KAT2B: variants seen among roughly 807,000 people sequenced by gnomAD.
The protein encoded by KAT2B is histone acetyltransferase KAT2B.
A neutral mutation model predicts 105.9 loss-of-function variants in KAT2B; 36 were observed. The ratio of observed to expected loss-of-function variants is 0.34; its 90% CI spans 0.26 to 0.45. The LOEUF is 0.45. KAT2B is among the 20% of genes least tolerant of loss of function. The pLI is 1.00. For missense variants in KAT2B, 820 were observed against 1,021.6 expected, an observed-to-expected ratio of 0.80 and a Z score of 2.69; for synonymous variants, 397 against 377.9, an observed-to-expected ratio of 1.05 and a Z score of -0.59.
At chr3:20,097,145 A>G (rs1432565635) in intron 3 of KAT2B, among the ~76,000 whole-genome samples, 2 of 152,134 alleles carry the variant, frequency 1.3e-5, no homozygotes, top group African/African-American at 4.8e-5. Context: ...TTGGAAAAAG[A>G]TCTTAGTTGA....
intron 2 of KAT2B, among the ~76,000 whole-genome samples, chr3:20,076,978 T>C (rs1007025126): frequency 6.6e-6 from 1 of 152,194 alleles, no homozygotes; most frequent in African/African-American, 2.4e-5. Context: ...ATCAATTCTA[T>C]TGATTAAATG....
At chr3:20,129,165 T>C (rs1043309802) in intron 11 of KAT2B, among the ~76,000 whole-genome samples, 1 of 151,898 alleles carries the variant, frequency 6.6e-6, no homozygotes, top group African/African-American at 2.4e-5. Flanking sequence ...CCTGCAAATA[T>C]GAGGTTATAA....
At chr3:20,124,178 T>G (rs1699359080) in intron 9 of KAT2B, among the ~76,000 whole-genome samples, 1 of 152,220 alleles carries the variant, frequency 6.6e-6, no homozygotes, top group Non-Finnish European at 1.5e-5. Flanking sequence ...CATTACAGAT[T>G]AGCTGAGTTT....
At chr3:20,092,787 C>T (rs772516362) in intron 2 of KAT2B, among the ~76,000 whole-genome samples, 10 of 151,952 alleles carry the variant, frequency 6.6e-5, no homozygotes, top group South Asian at 2.1e-4. Flanking sequence ...CTGCAATCTC[C>T]GCCTCCTGGG....
At chr3:20,107,612 A>C (rs1699044502) in intron 5 of KAT2B, among the ~76,000 whole-genome samples, 1 of 146,494 alleles carries the variant, frequency 6.8e-6, no homozygotes, top group African/African-American at 2.5e-5. Context: ...AGTCGAGATC[A>C]TGCCATTGCC....
chr3:20,107,296 G>A (rs1200694010), intron 5 of KAT2B, among the ~76,000 whole-genome samples: 1 of 149,556 alleles, frequency 6.7e-6, no homozygotes, highest in Non-Finnish European at 1.5e-5. Flanking sequence ...CTCCCAAAGT[G>A]CTGGGATTAT....
At chr3:20,140,849 A>G (rs191331663) in intron 13 of KAT2B, among the ~76,000 whole-genome samples, 100 of 152,130 alleles carry the variant, frequency 6.6e-4, no homozygotes, top group African/African-American at 1.5e-3. Flanking sequence ...CATTTCTACA[A>G]GAGTCATTAC....
chr3:20,067,785 C>T (rs565095645), intron 1 of KAT2B, among the ~76,000 whole-genome samples: 4 of 151,184 alleles, frequency 2.6e-5, no homozygotes, highest in African/African-American at 9.7e-5. Context: ...AGCGATTCTC[C>T]TGCCTCAGCC....
rs1206858155 is a variant in KAT2B at position 20,107,806 on chromosome 3, C to CT, written c.852-3770dup. Among the ~76,000 whole-genome samples, 1,116 of 113,736 alleles carry CT rather than the reference C, an allele frequency of 9.8e-3. 13 individuals are homozygous for CT. The highest frequency in any genetic ancestry group is 0.013 in the Middle Eastern group (3 of 234). The allele number at this position is 113,736 out of a possible 152,430, so 74.6% of individuals were successfully genotyped here. On this transcript the variant is annotated intron_variant, in intron 5 of 17. Coordinates refer to ENST00000263754, the MANE Select transcript of KAT2B (RefSeq NM_003884.5). ...AATCCAGTGTTTATTTTGCTTTTTC[C>CT]TTTTTTTTTTTTTTTTTTTTGAGTT...
intron 16 of KAT2B, 28 bp from the exon 17 acceptor site, chr3:20,148,375 A>G (rs750594318): frequency 6.2e-7 from 1 of 1,609,142 alleles, no homozygotes; most frequent in Admixed American, 1.7e-5. Flanking sequence ...TTTCCATATT[A>G]GATACCTTAC....
At chr3:20,122,611 T>G in intron 8 of KAT2B, 57 bp from the exon 9 acceptor site, 1 of 1,366,424 alleles carries the variant, frequency 7.3e-7, no homozygotes, top group Non-Finnish European at 1.0e-6. Context: ...TTGGCGTGTA[T>G]TATTTGTTTT....
chr3:20,062,378 TTA>T (rs1698150420), intron 1 of KAT2B, among the ~76,000 whole-genome samples: 1 of 82,816 alleles, frequency 1.2e-5, no homozygotes, highest in Non-Finnish European at 3.0e-5. Context: ...TTATAATATA[TTA>T]TATATAACAT....
In KAT2B at chr3:20,095,254, TATC is replaced by T. The variant is rs757031967; in HGVS notation, c.431-6_431-4del. On this transcript the variant is annotated splice_polypyrimidine_tract_variant and splice_region_variant and intron_variant, in intron 2 of 17. Coordinates refer to ENST00000263754, the MANE Select transcript of KAT2B (RefSeq NM_003884.5). ...GGTCTTACATATGTTTCTTTGATCT[TATC>T]ATAAGCTGCTCATGTTTCCCACCTG... 4 of 1,606,970 alleles carry T rather than the reference TATC, an allele frequency of 2.5e-6. No individual in the cohort carries two copies. The highest frequency in any genetic ancestry group is 1.7e-5 in the Admixed American group (1 of 58,644).
At chr3:20,136,515 G>T (rs1009056157) in intron 11 of KAT2B, among the ~76,000 whole-genome samples, 1 of 152,040 alleles carries the variant, frequency 6.6e-6, no homozygotes, top group Non-Finnish European at 1.5e-5. Context: ...TTCTAGTGAA[G>T]ATTAGCACTT....
In KAT2B at chr3:20,040,800, G is replaced by A; in HGVS notation, c.303+20G>A. 3 of 1,578,260 alleles carry A rather than the reference G, an allele frequency of 1.9e-6. No individual in the cohort carries two copies. The highest frequency in any genetic ancestry group is 1.7e-6 in the Non-Finnish European group (2 of 1,167,238). On this transcript the variant is annotated intron_variant, in intron 1 of 17. Coordinates refer to ENST00000263754, the MANE Select transcript of KAT2B (RefSeq NM_003884.5). ...TGCAAGGTACGCGCTCGCCGCTCTC[G>A]GACCGCGGATGGGTGCTAGGGGCCC...
At chr3:20,084,282 C>T (rs933280837) in intron 2 of KAT2B, among the ~76,000 whole-genome samples, 1 of 152,108 alleles carries the variant, frequency 6.6e-6, no homozygotes, top group Non-Finnish European at 1.5e-5. Flanking sequence ...TTCATTTGAT[C>T]TTCCTCCACC....
intron 2 of KAT2B, among the ~76,000 whole-genome samples, chr3:20,078,284 T>A (rs1192124746): frequency 2.0e-5 from 3 of 151,922 alleles, no homozygotes; most frequent in African/African-American, 7.3e-5. Flanking sequence ...ATTTCTATTG[T>A]TATTTTGGAG....
chr3:20,062,211 AT>A (rs1559514332), intron 1 of KAT2B, among the ~76,000 whole-genome samples: 3 of 80,038 alleles, frequency 3.7e-5, no homozygotes, highest in Non-Finnish European at 6.5e-5. Context: ...TTTATATAAA[AT>A]ATATTATATA....
intron 4 of KAT2B, 51 bp downstream of exon 4, chr3:20,100,005 CT>C (rs1265998683): frequency 1.1e-6 from 1 of 923,472 alleles, no homozygotes; most frequent in East Asian, 2.4e-5. Context: ...CTGAAGAAAT[CT>C]TTTAATCCTC....
Sources: allele counts gnomAD v4.1 joint callset (sites outside exome capture counted in the v4.1 genomes callset), GRCh38; gene constraint gnomAD v4.1.1; transcripts MANE v1.5; gene names NCBI Gene and HGNC (gene_info 2026-07-23, HGNC 2026-07-21).